The following ASTE1 variants were observed in gnomAD, a reference collection of about 807,000 sequenced individuals.
ASTE1 encodes single-strand DNA endonuclease ASTE1.
Under a neutral mutation model 45.8 loss-of-function variants are expected in ASTE1, and 49 were observed. The ratio of observed to expected loss-of-function variants is 1.07; its 90% CI spans 0.85 to 1.36. The LOEUF (loss-of-function observed/expected upper bound fraction) is 1.36. Ranked by LOEUF, ASTE1 falls within the 40% of genes most tolerant of loss-of-function variation. The pLI, the probability that ASTE1 is intolerant of heterozygous loss-of-function variation, is 0.00. For synonymous variants in ASTE1, 296 were observed against 303.9 expected, an observed-to-expected ratio of 0.97 and a Z score of 0.27; for missense variants, 709 against 804.0, an observed-to-expected ratio of 0.88 and a Z score of 1.43.
chr3:131,016,009 T>G (rs2063609991), intron 5 of ASTE1, 135 bp downstream of exon 5: 1 of 1,125,158 alleles, frequency 8.9e-7, no homozygotes, highest in Non-Finnish European at 1.3e-6. Flanking sequence ...TGACTCAAAA[T>G]CAATTACATT....
In ASTE1 at chr3:131,018,701, GCCT is replaced by G; in HGVS notation, c.1315_1317del (p.Arg440del). 1 of 1,613,914 alleles carries G rather than the reference GCCT, an allele frequency of 6.2e-7. No homozygotes were observed. The highest frequency in any genetic ancestry group is 8.5e-7 in the Non-Finnish European group (1 of 1,179,990). ...AGGGTTTCTAACAGAAGCATCTGCC[GCCT>G]CCTCAAGGAGAGCTGAAAATACACA... On this transcript the variant is annotated inframe_deletion, in exon 4 of 6. Coordinates refer to ENST00000264992, the MANE Select transcript of ASTE1 (RefSeq NM_014065.4).
chr3:131,020,937 G>C (rs1161098676), intron 3 of ASTE1, among the ~76,000 whole-genome samples: 1 of 152,034 alleles, frequency 6.6e-6, no homozygotes, highest in Non-Finnish European at 1.5e-5. Context: ...ATTTCCATGT[G>C]GGGGGAAAAG....
chr3:131,022,579 T>C (rs1442917166), intron 3 of ASTE1, among the ~76,000 whole-genome samples: 2 of 152,082 alleles, frequency 1.3e-5, no homozygotes, highest in Non-Finnish European at 2.9e-5. Flanking sequence ...CACTTTGGCC[T>C]TCCAAAGTGC....
intron 4 of ASTE1, among the ~76,000 whole-genome samples, chr3:131,018,096 G>T (rs1217691817): frequency 6.6e-6 from 1 of 151,962 alleles, no homozygotes; most frequent in East Asian, 1.9e-4. Flanking sequence ...TGTAGTGGTT[G>T]TAGGTATTTA....
rs79233054 is a variant in ASTE1 at position 131,024,967 on chromosome 3, C to G, written c.340G>C (p.Val114Leu). ...HSLSVGGSGY[V>L]CPLLIREVFI... ...ACTTCCCGGATGAGTAAGGGACATACGTACCCACTCCCACCAACAGAAAGG... is the reference window on the plus strand; with the variant it reads ...ACTTCCCGGATGAGTAAGGGACATAGGTACCCACTCCCACCAACAGAAAGG... The change falls in exon 3 of 6, where the codon GTA becomes CTA. Residue 114 changes from valine to leucine, a missense_variant. By Grantham distance (32) the Val-to-Leu change is conservative (BLOSUM62 1). Coordinates refer to ENST00000264992, the MANE Select transcript of ASTE1 (RefSeq NM_014065.4). The G allele has an allele frequency of 6.2e-7, 1 of 1,606,912 alleles. No individual in the cohort carries two copies. The highest frequency in any genetic ancestry group is 8.5e-7 in the Non-Finnish European group (1 of 1,175,960).
intron 5 of ASTE1, 49 bp from the exon 6 acceptor site, chr3:131,014,436 A>C: frequency 6.7e-7 from 1 of 1,501,358 alleles, no homozygotes; most frequent in East Asian, 2.3e-5. Flanking sequence ...AATTCAGTGC[A>C]ACAGGATAAC....
chr3:131,016,309 T>C lies in ASTE1; in HGVS notation c.1544A>G (p.Lys515Arg), dbSNP rs781578485. The C allele has an allele frequency of 5.6e-6, 9 of 1,614,036 alleles. No homozygotes were observed. In the Admixed American group the frequency reaches 1.5e-4, roughly 27 times the overall value. The change falls in exon 5 of 6, where the codon AAG (lysine) becomes AGG (arginine). Residue 515 changes from lysine (K) to arginine (R), a missense_variant. Physicochemically the swap from Lys to Arg is conservative, Grantham distance 26. Coordinates refer to ENST00000264992, the MANE Select transcript of ASTE1 (RefSeq NM_014065.4). The stretch of plus-strand genomic sequence containing the variant: ...TCTTTGGAACTCTGCATACAACATC[T>C]TAGCACCATCTTCCTGCAGCTCTTC... ...GKEELQEDGA[K>R]MLYAEFQRVK...
chr3:131,023,884 T>C, intron 3 of ASTE1, 121 bp downstream of exon 3: 1 of 1,033,498 alleles, frequency 9.7e-7, no homozygotes, highest in Non-Finnish European at 1.3e-6. Flanking sequence ...AGCTACGACA[T>C]GAGGGCAAGA....
At chr3:131,016,591 C>G in intron 4 of ASTE1, 1 of 506,740 alleles carries the variant, frequency 2.0e-6, no homozygotes, top group Non-Finnish European at 3.5e-6. Context: ...ATCTTTTCCA[C>G]TGGTCTACTA....
intron 5 of ASTE1, 117 bp from the exon 6 acceptor site, chr3:131,014,504 T>G: frequency 2.1e-6 from 2 of 953,454 alleles, no homozygotes; most frequent in Non-Finnish European, 3.0e-6. Context: ...TATTGCTCTA[T>G]AATATTATCG....
In ASTE1 at chr3:131,018,561, T is replaced by TTGTAGATGA; in HGVS notation, c.1449_1457dup (p.His483_Leu485dup). ...CCACTAGCATTGTGAGCAGTAAGGA[T>TTGTAGATGA]TGTAGATGATGTAGCTTTGCTTTGG... On this transcript the variant is annotated inframe_insertion, in exon 4 of 6. Coordinates refer to ENST00000264992, the MANE Select transcript of ASTE1 (RefSeq NM_014065.4). 6.2e-7 allele frequency: 1 copy of TTGTAGATGA among 1,614,006 alleles called. No individual in the cohort carries two copies. The highest frequency in any genetic ancestry group is 8.5e-7 in the Non-Finnish European group (1 of 1,179,990).
rs2063485486 is a variant in ASTE1 at position 131,014,368 on chromosome 3, C to G, written c.1729G>C (p.Val577Leu). ...DLTRLYSGSL[V>L]HGLCQQLLAS... ...AGCAGTTGCTGGCATAGTCCGTGCA[C>G]CAGGCTTCCACTGTACAGTCTGTTC... Residue 577 changes from valine (V) to leucine (L), a missense_variant, in exon 6 of 6, where the codon GTG becomes CTG. Coordinates refer to ENST00000264992, the MANE Select transcript of ASTE1 (RefSeq NM_014065.4). 4.4e-6 allele frequency: 7 copies of G among 1,603,674 alleles called. No homozygotes were observed. Among genetic ancestry groups the G allele is most frequent in the Non-Finnish European group, 6.0e-6 (7 of 1,176,298 alleles).
In ASTE1 at chr3:131,024,004, C is replaced by G; in HGVS notation, c.1302+1G>C. 6.3e-7 allele frequency: 1 copy of G among 1,581,022 alleles called. No homozygotes were observed. The highest frequency in any genetic ancestry group is 1.2e-5 in the South Asian group (1 of 86,716). On this transcript the variant is annotated splice_donor_variant, in intron 3 of 5. Coordinates refer to ENST00000264992, the MANE Select transcript of ASTE1 (RefSeq NM_014065.4). LOFTEE classifies it high-confidence loss of function. ...ATTTCATTAGTATTACAAATACTTA[C>G]CTCAGTCAATCTGCTTAAGTCAGAA...
At position 131,024,712 on chromosome 3, in the gene ASTE1, A is replaced by C. The variant is rs2063787088; in HGVS notation, c.595T>G (p.Ser199Ala). 6 of 1,603,522 alleles carry C rather than the reference A, an allele frequency of 3.7e-6. No individual in the cohort carries two copies. The highest frequency in any genetic ancestry group is 4.3e-6 in the Non-Finnish European group (5 of 1,174,710). Reference sequence around the variant, plus strand: ...AAGTGATGGCAGAATGCATCAAGGGAAAAGCATTTGGCAGGGATATAGTTT... The same window carrying C: ...AAGTGATGGCAGAATGCATCAAGGGCAAAGCATTTGGCAGGGATATAGTTT... ...TQNYIPAKCF[S>A]LDAFCHHFSN... The change falls in exon 3 of 6, where the codon TCC becomes GCC. Residue 199 changes from serine (S) to alanine (A), a missense_variant. Transcript: ENST00000264992.
intron 3 of ASTE1, among the ~76,000 whole-genome samples, chr3:131,023,673 C>T (rs892538319): frequency 6.6e-6 from 1 of 150,422 alleles, no homozygotes; most frequent in South Asian, 2.1e-4. Flanking sequence ...CTTTTTTTTT[C>T]AGCCACGTAA....
Position 131,016,217 on chromosome 3 carries a change from G to A in ASTE1, c.1636C>T (p.Gln546Ter). 1.2e-6 allele frequency: 2 copies of A among 1,614,146 alleles called. No homozygotes were observed. Among genetic ancestry groups the A allele is most frequent in the Non-Finnish European group, 1.7e-6 (2 of 1,180,036 alleles). ...LDTAHIFCQW[Q>*]SCLQMGMYLN... ...TACATCCCCATCTGGAGACAGGACT[G>A]CCACTGACAGAAGATGTGAGCTGTG... The change falls in exon 5 of 6, where the codon CAG becomes TAG. Residue 546 changes from glutamine to a stop codon, truncating the protein, a stop_gained. Transcript: ENST00000264992. LOFTEE classifies it high-confidence loss of function.
At chr3:131,019,478 G>A (rs1203059101) in intron 3 of ASTE1, among the ~76,000 whole-genome samples, 1 of 152,200 alleles carries the variant, frequency 6.6e-6, no homozygotes, top group Non-Finnish European at 1.5e-5. Flanking sequence ...AAGTAAAACA[G>A]CTATAAGAGC....
Position 131,018,775 on chromosome 3 carries a change from T to G in ASTE1, c.1303-59A>C. On this transcript the variant is annotated intron_variant, in intron 3 of 5. Transcript: ENST00000264992. ...TTTGGGAAATGTCTGTTATTTCTTT[T>G]TTCCACCATAGCATGAAGAGATTTA... The G allele has an allele frequency of 1.3e-6, 2 of 1,547,780 alleles. 1 individual carries two copies. The highest frequency in any genetic ancestry group is 2.3e-5 in the South Asian group (2 of 87,466).
In ASTE1 at chr3:131,014,384, C is replaced by T. The variant is rs746780624; in HGVS notation, c.1713G>A (p.Leu571=). 5.7e-6 allele frequency: 9 copies of T among 1,576,522 alleles called. No homozygotes were observed. The East Asian group carries it at 1.3e-4, about 24-fold the overall frequency. Residue 571 remains leucine (L), a synonymous_variant, in exon 6 of 6, where the codon CTG becomes CTA. Coordinates refer to ENST00000264992, the MANE Select transcript of ASTE1 (RefSeq NM_014065.4). The part of the protein sequence containing the change: ...TPLPEPDLTR[L]YSGSLVHGLC... ...GTCCGTGCACCAGGCTTCCACTGTA[C>T]AGTCTGTTCAAAGCAAGAAAAAAGT... is the stretch of plus-strand genomic sequence containing the variant.
Sources: allele counts gnomAD v4.1 joint callset (sites outside exome capture counted in the v4.1 genomes callset), GRCh38; gene constraint gnomAD v4.1.1; transcripts MANE v1.5; gene names NCBI Gene and HGNC (gene_info 2026-07-23, HGNC 2026-07-21).